Variants in PCDHGA2 observed in about 807,000 individuals in gnomAD.
The protein encoded by PCDHGA2 is protocadherin gamma subfamily A, 2.
PCDHGA2 carries 40 observed loss-of-function variants against 59.2 expected under a neutral mutation model. The observed-to-expected ratio is 0.68, with a 90% CI of 0.52 to 0.88. The LOEUF is 0.88. PCDHGA2 is among the 40% of genes least tolerant of loss of function. The pLI, the probability that PCDHGA2 is intolerant of heterozygous loss-of-function variation, is 0.00. For missense variants in PCDHGA2, 1,226 were observed against 1,204.0 expected, an observed-to-expected ratio of 1.02 and a Z score of -0.27; for synonymous variants, 560 against 526.0, an observed-to-expected ratio of 1.06 and a Z score of -0.89.
At chr5:141,403,159 A>G (rs778714191) in intron 1 of PCDHGA2, 2 of 1,614,002 alleles carry the variant, frequency 1.2e-6, no homozygotes, top group East Asian at 4.5e-5. Context: ...TCGTCTCTAG[A>G]GGTAGGACGC....
At chr5:141,387,213 G>C (rs1279285840) in intron 1 of PCDHGA2, among the ~76,000 whole-genome samples, 4 of 152,128 alleles carry the variant, frequency 2.6e-5, no homozygotes, top group Admixed American at 1.3e-4. Flanking sequence ...ATACTCTCCG[G>C]AAAAAGTTGA....
chr5:141,438,811 G>T (rs2098067148), intron 1 of PCDHGA2, among the ~76,000 whole-genome samples: 1 of 149,790 alleles, frequency 6.7e-6, no homozygotes, highest in East Asian at 2.0e-4. Context: ...ACAGGCGCCT[G>T]TCACCATGCC....
chr5:141,427,704 G>C (rs2097059746), intron 1 of PCDHGA2: 2 of 966,116 alleles, frequency 2.1e-6, no homozygotes, highest in Non-Finnish European at 3.2e-6. Context: ...ACAAGTCAGC[G>C]CCTCTGACCT....
intron 1 of PCDHGA2, among the ~76,000 whole-genome samples, chr5:141,456,862 C>T (rs1385304686): frequency 6.6e-6 from 1 of 152,086 alleles, no homozygotes; most frequent in Non-Finnish European, 1.5e-5. Context: ...AATTGGGAGG[C>T]TGAGGCAGGA....
intron 1 of PCDHGA2, chr5:141,384,561 C>A (rs778010622): frequency 3.1e-6 from 5 of 1,614,254 alleles, no homozygotes; most frequent in South Asian, 1.1e-5. Context: ...TCGTGCTGGA[C>A]CAGAATGACA....
At chr5:141,408,513 T>C in intron 1 of PCDHGA2, 2 of 1,614,034 alleles carry the variant, frequency 1.2e-6, no homozygotes, top group East Asian at 4.5e-5. Context: ...AGATGTGAGT[T>C]GCAATTGGAA....
chr5:141,479,939 A>G (rs763454741), intron 1 of PCDHGA2, among the ~76,000 whole-genome samples: 2 of 152,004 alleles, frequency 1.3e-5, no homozygotes, highest in Non-Finnish European at 2.9e-5. Flanking sequence ...ATTGCTATCA[A>G]CTCTTGGATT....
intron 1 of PCDHGA2, chr5:141,356,602 G>A: frequency 1.2e-6 from 2 of 1,614,142 alleles, no homozygotes; most frequent in Non-Finnish European, 1.7e-6. Context: ...CAACCCCAGA[G>A]GAGCCTCCAT....
rs553673516 is a variant in PCDHGA2, at chr5:141,476,211, T to C, written c.2425-18596T>C. The C allele has an allele frequency of 5.4e-5, 87 of 1,613,942 alleles. No individual in the cohort carries two copies. The highest frequency in any genetic ancestry group is 7.0e-5 in the Non-Finnish European group (83 of 1,180,000). ...GGTGCCTTGAACAAGGCTTCCACGG[T>C]CATTCACTATGAGATCCCGGAGGAA... On this transcript the variant is annotated intron_variant, in intron 1 of 3. Coordinates refer to ENST00000394576, the MANE Select transcript of PCDHGA2 (RefSeq NM_018915.4). The surrounding 1 kb of genome is among the most constrained non-coding windows in gnomAD (Gnocchi z 7.6).
At chr5:141,368,943 C>G (rs1765943914) in intron 1 of PCDHGA2, among the ~76,000 whole-genome samples, 1 of 152,178 alleles carries the variant, frequency 6.6e-6, no homozygotes, top group South Asian at 2.1e-4. Context: ...ATTCTGGTTA[C>G]TGTGAGTAGT....
intron 1 of PCDHGA2, chr5:141,360,587 C>T (rs1186405210): frequency 6.2e-6 from 10 of 1,613,882 alleles, no homozygotes; most frequent in Non-Finnish European, 6.8e-6. Flanking sequence ...CCAGGTACAA[C>T]ATTTCCACTT....
At chr5:141,376,271 G>A (rs761909915) in intron 1 of PCDHGA2, 2 of 1,614,104 alleles carry the variant, frequency 1.2e-6, no homozygotes, top group African/African-American at 2.7e-5. Flanking sequence ...GGCTTCGGGA[G>A]GTGGCTTAGC....
chr5:141,381,354 G>A (rs1163041754), intron 1 of PCDHGA2, among the ~76,000 whole-genome samples: 1 of 152,202 alleles, frequency 6.6e-6, no homozygotes, highest in Non-Finnish European at 1.5e-5. Context: ...CTTTCTGCTA[G>A]CAGAGGGTAG....
chr5:141,422,838 C>G, intron 1 of PCDHGA2: 3 of 1,614,252 alleles, frequency 1.9e-6, no homozygotes, highest in African/African-American at 2.7e-5. Flanking sequence ...TAGCACGTGA[C>G]AGCGGGGACC....
chr5:141,496,499 G>A (rs1417059875), intron 2 of PCDHGA2, among the ~76,000 whole-genome samples: 1 of 152,102 alleles, frequency 6.6e-6, no homozygotes, highest in Non-Finnish European at 1.5e-5. Context: ...AACCCTTGTT[G>A]CCACAAGGAC....
chr5:141,499,563 A>C (rs979866448), intron 2 of PCDHGA2, among the ~76,000 whole-genome samples: 3 of 152,242 alleles, frequency 2.0e-5, no homozygotes, highest in Non-Finnish European at 2.9e-5. Context: ...ACCACTATCC[A>C]GCTTCAACTA....
chr5:141,476,317 G>C lies in PCDHGA2; in HGVS notation c.2425-18490G>C, dbSNP rs759809060. The C allele has an allele frequency of 1.2e-6, 2 of 1,614,052 alleles. No homozygotes were observed. The highest frequency in any genetic ancestry group is 2.7e-5 in the African/African-American group (2 of 74,922). ...GTAGCCTCTCAGCCCGCAGGTTCCGGGTGGTGTCTGGAGCTAGCCGAAGAT... is the reference window on the plus strand; with the variant it reads ...GTAGCCTCTCAGCCCGCAGGTTCCGCGTGGTGTCTGGAGCTAGCCGAAGAT... On this transcript the variant is annotated intron_variant, in intron 1 of 3. Coordinates refer to ENST00000394576, the MANE Select transcript of PCDHGA2 (RefSeq NM_018915.4). The surrounding 1 kb of genome is among the most constrained non-coding windows in gnomAD (Gnocchi z 7.6).
At chr5:141,372,841 T>C (rs887025706) in intron 1 of PCDHGA2, 1 of 1,514,832 alleles carries the variant, frequency 6.6e-7, no homozygotes. Flanking sequence ...CTTCCATAAA[T>C]ATAATTGGGT....
At position 141,389,670 on chromosome 5, in the gene PCDHGA2, T is replaced by A. The variant is rs2091868205; in HGVS notation, c.2424+48275T>A. 3 of 1,612,454 alleles carry A rather than the reference T, an allele frequency of 1.9e-6. No homozygotes were observed. The East Asian group carries it at 6.7e-5, about 36-fold the overall frequency. On this transcript the variant is annotated intron_variant, in intron 1 of 3. Transcript: ENST00000394576. The stretch of plus-strand genomic sequence containing the variant: ...CAAGGTAGTGGCGGTGGACGCAGAC[T>A]CAGGACACAACGCCTGGCTGTCCTA...
Sources: gnomAD v4.1 joint callset for allele counts (sites outside exome capture counted in the v4.1 genomes callset) on GRCh38, gnomAD v4.1.1 for gene constraint, Gnocchi (gnomAD v3.1) non-coding constraint, MANE v1.5 for transcripts, NCBI Gene and HGNC (gene_info 2026-07-23, HGNC 2026-07-21) for gene names.